The following JKAMP variants were observed in gnomAD, a reference collection of about 807,000 sequenced individuals.
JKAMP encodes the protein JNK1/MAPK8-associated membrane protein.
Under a neutral mutation model 40.2 loss-of-function variants are expected in JKAMP, and 20 were observed. The ratio of observed to expected loss-of-function variants is 0.50; its 90% CI spans 0.35 to 0.72. The LOEUF (loss-of-function observed/expected upper bound fraction) is 0.72, where lower values mean the gene tolerates loss of function less well. Ranked by LOEUF, JKAMP falls within the 30% of genes least tolerant of loss-of-function variation. The pLI, the probability that JKAMP is intolerant of heterozygous loss-of-function variation, is 0.01. For synonymous variants in JKAMP, 138 were observed against 131.6 expected (o/e 1.05, Z -0.33); for missense variants, 276 against 373.0 (o/e 0.74, Z 2.14).
At position 59,503,934 on chromosome 14, in the gene JKAMP, C is replaced by T. The variant is rs751663457; in HGVS notation, c.798C>T (p.Ile266=). 1 of 1,613,492 alleles carries T rather than the reference C, an allele frequency of 6.2e-7. No homozygotes were observed. Among genetic ancestry groups the T allele is most frequent in the Non-Finnish European group, 8.5e-7 (1 of 1,179,458 alleles). Residue 266 remains isoleucine (I), a synonymous_variant, in exon 7 of 7, where the codon ATC becomes ATT. Transcript: ENST00000616435. The part of the protein sequence containing the change: ...SHWLLHAYGI[I]SISRVDKLEQ... The stretch of plus-strand genomic sequence containing the variant: ...GGTTACTTCATGCCTATGGAATAAT[C>T]TCCATTTCCAGAGTGGATAAACTTG...
intron 1 of JKAMP, 150 bp from the exon 2 acceptor site, chr14:59,486,563 T>G: frequency 1.6e-6 from 1 of 629,188 alleles, no homozygotes; most frequent in Non-Finnish European, 2.8e-6. Flanking sequence ...AAAGGAGAAA[T>G]GTAAATTTAA....
chr14:59,485,370 G>A (rs1890464132), intron 1 of JKAMP: 6 of 382,130 alleles, frequency 1.6e-5, no homozygotes, highest in Non-Finnish European at 1.8e-5. Flanking sequence ...AAAGAGGCCA[G>A]TGGGTTTAAA....
At position 59,497,608 on chromosome 14, in the gene JKAMP, A is replaced by AT. The variant is rs1891545893; in HGVS notation, c.459-1118dup. On this transcript the variant is annotated intron_variant, in intron 4 of 6. Transcript: ENST00000616435. ...ACTAATTCATTAGAAGAGGTAACAC[A>AT]TAATGGTTTCCTCTTGATTAAAATC... Among the ~76,000 whole-genome samples the AT allele has an allele frequency of 5.3e-5, 8 of 152,328 alleles. No individual in the cohort carries two copies. The South Asian group carries it at 1.7e-3, about 32-fold the overall frequency.
In JKAMP at chr14:59,484,607, A is replaced by G. The variant is rs1890359581; in HGVS notation, c.4+14A>G. ...GGCGGCCCATGGGTGAGTGGTCGCC[A>G]AGATCCCGGGAAGCGTTTCTGGTAG... On this transcript the variant is annotated intron_variant, in intron 1 of 6. Coordinates refer to ENST00000616435, the MANE Select transcript of JKAMP (RefSeq NM_016475.5). 2 of 1,579,170 alleles carry G rather than the reference A, an allele frequency of 1.3e-6. No individual in the cohort carries two copies. Among genetic ancestry groups the G allele is most frequent in the South Asian group, 2.3e-5 (2 of 85,940 alleles).
intron 5 of JKAMP, 104 bp from the exon 6 acceptor site, chr14:59,501,087 G>A: frequency 1.4e-6 from 1 of 719,794 alleles, no homozygotes; most frequent in Non-Finnish European, 2.3e-6. Flanking sequence ...AGAACTGGTT[G>A]AGAAAGGATT....
At chr14:59,493,190 C>G (rs1257830131) in intron 3 of JKAMP, among the ~76,000 whole-genome samples, 2 of 152,026 alleles carry the variant, frequency 1.3e-5, no homozygotes, top group Non-Finnish European at 2.9e-5. Flanking sequence ...AAACACATCC[C>G]AAGCAGAATA....
At chr14:59,498,703 CA>C (rs754656991) in intron 4 of JKAMP, 23 bp from the exon 5 acceptor site, 1 of 1,245,690 alleles carries the variant, frequency 8.0e-7, no homozygotes, top group Non-Finnish European at 1.1e-6. Flanking sequence ...TTTGATGTTA[CA>C]AATTCTTTAT....
At chr14:59,498,395 C>G (rs1891606223) in intron 4 of JKAMP, among the ~76,000 whole-genome samples, 1 of 152,132 alleles carries the variant, frequency 6.6e-6, no homozygotes, top group East Asian at 1.9e-4. Flanking sequence ...ATAAGTGATT[C>G]AATAAAAATC....
At position 59,498,840 on chromosome 14, in the gene JKAMP, G is replaced by C. The variant is rs1217826902; in HGVS notation, c.572G>C (p.Ser191Thr). 1.2e-6 allele frequency: 2 copies of C among 1,612,744 alleles called. No homozygotes were observed. The highest frequency in any genetic ancestry group is 2.7e-5 in the African/African-American group (2 of 74,852). The change falls in exon 5 of 7, where the codon AGT (serine) becomes ACT (threonine). Residue 191 changes from serine (S) to threonine (T), a missense_variant. Physicochemically the swap from Ser to Thr is moderately conservative, Grantham distance 58 (BLOSUM62 1). Coordinates refer to ENST00000616435, the MANE Select transcript of JKAMP (RefSeq NM_016475.5). ...TTAGGGAAATCTGATCGATTTAAAA[G>C]TATTTATGCTGCACTTTACTTCTTC... ...CGLGKSDRFK[S>T]IYAALYFFPI...
intron 3 of JKAMP, among the ~76,000 whole-genome samples, chr14:59,494,121 GGT>G (rs55831018): frequency 0.04 from 5,990 of 151,042 alleles, 155 homozygotes; most frequent in Non-Finnish European, 0.058. Flanking sequence ...AGAAAATTTG[GGT>G]GTGTGTGTGT....
In JKAMP at chr14:59,501,241, G is replaced by A. The variant is rs372162133; in HGVS notation, c.691G>A (p.Val231Met). 6.2e-7 allele frequency: 1 copy of A among 1,604,160 alleles called. No homozygotes were observed. Among genetic ancestry groups the A allele is most frequent in the Non-Finnish European group, 8.5e-7 (1 of 1,172,250 alleles). The change falls in exon 6 of 7, where the codon GTG (valine) becomes ATG (methionine). Residue 231 changes from valine to methionine, a missense_variant. By Grantham distance (21) the Val-to-Met change is conservative. Coordinates refer to ENST00000616435, the MANE Select transcript of JKAMP (RefSeq NM_016475.5). Reference protein sequence around the residue: ...ILVLSLVTLAVYMSASEIENC... With the variant: ...ILVLSLVTLAMYMSASEIENC... Reference sequence around the variant, plus strand: ...AGTGTTATCTTTGGTTACTCTGGCTGTGTACATGTCTGCTTCTGAAATAGA... The same window carrying A: ...AGTGTTATCTTTGGTTACTCTGGCTATGTACATGTCTGCTTCTGAAATAGA...
At chr14:59,494,374 G>A (rs1242246268) in intron 3 of JKAMP, among the ~76,000 whole-genome samples, 2 of 152,014 alleles carry the variant, frequency 1.3e-5, no homozygotes, top group Non-Finnish European at 2.9e-5. Flanking sequence ...ACACAATAGC[G>A]AAAATGACTG....
intron 5 of JKAMP, among the ~76,000 whole-genome samples, chr14:59,500,141 T>TTTTTG (rs1379953211): frequency 1.3e-5 from 2 of 152,116 alleles, no homozygotes; most frequent in South Asian, 4.1e-4. Flanking sequence ...TTAAGTAGAG[T>TTTTTG]TTTTGTTTTG....
rs1892256363 is a variant in JKAMP, at chr14:59,505,135, A to C, written c.*1063A>C. The C allele has an allele frequency of 6.2e-6, 3 of 482,650 alleles. No individual in the cohort carries two copies. The highest frequency in any genetic ancestry group is 1.1e-5 in the Non-Finnish European group (3 of 280,744). The allele number at this position is 482,650 out of a possible 1,614,324, so 29.9% of individuals were successfully genotyped here. On this transcript the variant is annotated 3_prime_UTR_variant, in exon 7 of 7. Transcript: ENST00000616435. ...AGGTTGTGTGAATTAGTTAAATTTT[A>C]AATGTTTAAGACTTCTATTAACAGC... is the stretch of plus-strand genomic sequence containing the variant.
At chr14:59,494,880 A>G (rs1420307178) in intron 3 of JKAMP, 138 bp from the exon 4 acceptor site, 2 of 630,520 alleles carry the variant, frequency 3.2e-6, no homozygotes, top group Non-Finnish European at 5.5e-6. Context: ...CCCTTTTGAG[A>G]AAAAAAGGTT....
At chr14:59,496,324 T>G (rs895476988) in intron 4 of JKAMP, among the ~76,000 whole-genome samples, 3 of 151,316 alleles carry the variant, frequency 2.0e-5, no homozygotes, top group African/African-American at 4.8e-5. Flanking sequence ...ATTCATTGAT[T>G]CGTAGAGCTT....
chr14:59,502,773 T>G (rs7152006), intron 6 of JKAMP, among the ~76,000 whole-genome samples: 1,210 of 102,502 alleles, frequency 0.012, 51 homozygotes, highest in African/African-American at 0.022. Context: ...TTTTTTTTTT[T>G]CGGAGTCTCA....
At position 59,498,777 on chromosome 14, in the gene JKAMP, T is replaced by G. The variant is rs749307483; in HGVS notation, c.509T>G (p.Leu170Arg). The change falls in exon 5 of 7, where the codon CTG (leucine) becomes CGG (arginine). Residue 170 changes from leucine to arginine, a missense_variant. By Grantham distance (102) the Leu-to-Arg change is moderately radical. Transcript: ENST00000616435. Reference sequence around the variant, plus strand: ...GCATTCTGCTTGGTATTAATGATGCTGCTCCGACCTCTTCTGGTGAAGAAG... The same window carrying G: ...GCATTCTGCTTGGTATTAATGATGCGGCTCCGACCTCTTCTGGTGAAGAAG... ...YYAFCLVLMM[L>R]LRPLLVKKIA... 4.4e-6 allele frequency: 7 copies of G among 1,604,516 alleles called. No homozygotes were observed. Among genetic ancestry groups the G allele is most frequent in the Non-Finnish European group, 6.0e-6 (7 of 1,172,316 alleles).
At chr14:59,495,556 T>A (rs551220360) in intron 4 of JKAMP, among the ~76,000 whole-genome samples, 156 of 152,286 alleles carry the variant, frequency 1.0e-3, no homozygotes, top group Non-Finnish European at 1.9e-3. Context: ...CCCAAATAAG[T>A]GTAATTTCTG....
Sources: gnomAD v4.1 joint callset for allele counts (sites outside exome capture counted in the v4.1 genomes callset) on GRCh38, gnomAD v4.1.1 for gene constraint, MANE v1.5 for transcripts, NCBI Gene and HGNC (gene_info 2026-07-23, HGNC 2026-07-21) for gene names.